Variants in AGFG1 observed in about 807,000 individuals in gnomAD.
AGFG1 encodes ArfGAP with FG repeats 1.
AGFG1 carries 10 observed loss-of-function variants against 60.6 expected under a neutral mutation model. The ratio of observed to expected loss-of-function variants is 0.16; its 90% confidence interval spans 0.10 to 0.28. The LOEUF (loss-of-function observed/expected upper bound fraction) is 0.28, where lower values mean the gene tolerates loss of function less well. AGFG1 is among the 10% of genes least tolerant of loss of function. The probability of loss-of-function intolerance (pLI) is 1.00; values close to 1 mark genes in which losing one functional copy is unlikely to be tolerated. For synonymous variants in AGFG1, 247 were observed against 242.9 expected (o/e 1.02, Z -0.16); for missense variants, 537 against 676.5 (o/e 0.79, Z 2.29).
chr2:227,486,158 C>CTAT (rs2106162510), intron 1 of AGFG1, among the ~76,000 whole-genome samples: 1 of 152,276 alleles, frequency 6.6e-6, no homozygotes, highest in Admixed American at 6.5e-5. Flanking sequence ...CTCGCCTTGG[C>CTAT]TATTGTTGGC....
intron 2 of AGFG1, among the ~76,000 whole-genome samples, chr2:227,517,194 G>A (rs1012888532): frequency 2.6e-5 from 4 of 152,244 alleles, no homozygotes; most frequent in Non-Finnish European, 2.9e-5. Context: ...GTTCTCACTC[G>A]TTTTAACTGT....
At chr2:227,523,148 G>A (rs964297381) in intron 3 of AGFG1, among the ~76,000 whole-genome samples, 10 of 152,184 alleles carry the variant, frequency 6.6e-5, no homozygotes, top group African/African-American at 1.9e-4. Context: ...ATATATTTTA[G>A]TAGGTAGCAA....
chr2:227,553,641 T>C, intron 11 of AGFG1, 63 bp from the exon 12 acceptor site: 1 of 1,345,542 alleles, frequency 7.4e-7, no homozygotes, highest in Non-Finnish European at 1.1e-6. Flanking sequence ...ATTATGAGGC[T>C]TTATAAGCAT....
rs562119600 is a variant in AGFG1, at chr2:227,486,661, G to A, written c.168-4886G>A. Among the ~76,000 whole-genome samples, 6 of 152,196 alleles carry A rather than the reference G, an allele frequency of 3.9e-5. No individual in the cohort carries two copies. In the South Asian group the frequency reaches 1.2e-3, roughly 32 times the overall value. On this transcript the variant is annotated intron_variant, in intron 1 of 12. Transcript: ENST00000310078. ...TTTCAGAGAGAGAAATATTTATTCT[G>A]TTTTCTGTTGTTCTGAAAAGAAAGT...
intron 2 of AGFG1, among the ~76,000 whole-genome samples, chr2:227,501,782 T>C (rs1691165257): frequency 6.6e-6 from 1 of 152,154 alleles, no homozygotes; most frequent in African/African-American, 2.4e-5. Context: ...CGGAGTCTAC[T>C]TCTGAGGCAC....
chr2:227,477,682 T>C (rs560680082), intron 1 of AGFG1, among the ~76,000 whole-genome samples: 24 of 152,246 alleles, frequency 1.6e-4, no homozygotes, highest in Middle Eastern at 3.4e-3. Flanking sequence ...CTCACCTCAC[T>C]GCAACCTCCA....
At chr2:227,486,099 G>C (rs1352448668) in intron 1 of AGFG1, among the ~76,000 whole-genome samples, 1 of 151,986 alleles carries the variant, frequency 6.6e-6, no homozygotes, top group African/African-American at 2.4e-5. Context: ...TTCCCATCCA[G>C]GGTCTTAGGT....
rs1294530578 is a variant in AGFG1, at chr2:227,536,677, T to A, written c.1258T>A (p.Ser420Thr). The change falls in exon 9 of 13, where the codon TCA becomes ACA. Residue 420 changes from serine to threonine, a missense_variant. By Grantham distance (58) the Ser-to-Thr change is moderately conservative. Transcript: ENST00000310078. ...VVASAQTQPA[S>T]SSVPAPFGAT... ...TGCTTCTGCACAGACACAGCCTGCTTCATCAAGTGTGCCTGCTCCATTTGG... is the reference window on the plus strand; with the variant it reads ...TGCTTCTGCACAGACACAGCCTGCTACATCAAGTGTGCCTGCTCCATTTGG... 1.2e-6 allele frequency: 2 copies of A among 1,613,810 alleles called. No homozygotes were observed. The highest frequency in any genetic ancestry group is 1.7e-6 in the Non-Finnish European group (2 of 1,179,872).
chr2:227,489,900 C>CT (rs1420865905), intron 1 of AGFG1, among the ~76,000 whole-genome samples: 1 of 151,916 alleles, frequency 6.6e-6, no homozygotes, highest in Non-Finnish European at 1.5e-5. Flanking sequence ...ACTGCAACCT[C>CT]TGCCTCCTGG....
At chr2:227,509,102 GA>G (rs1655917802) in intron 2 of AGFG1, among the ~76,000 whole-genome samples, 1 of 152,128 alleles carries the variant, frequency 6.6e-6, no homozygotes, top group Non-Finnish European at 1.5e-5. Context: ...TCCCAAGGGG[GA>G]CAAACAGTGA....
At chr2:227,545,658 CT>C (rs915240650) in intron 10 of AGFG1, among the ~76,000 whole-genome samples, 10 of 151,878 alleles carry the variant, frequency 6.6e-5, no homozygotes, top group Non-Finnish European at 5.9e-5. Flanking sequence ...TGTGGGTGTC[CT>C]TTTTTTTGAT....
In AGFG1 at chr2:227,560,200, T is replaced by G. The variant is rs1693095052; in HGVS notation, c.*5705T>G. ...AGCTCTAACATTAATGTCTCCAGGATTCCATTATATGGATGTCCCTTTGGG... is the reference window on the plus strand; with the variant it reads ...AGCTCTAACATTAATGTCTCCAGGAGTCCATTATATGGATGTCCCTTTGGG... On this transcript the variant is annotated 3_prime_UTR_variant, in exon 13 of 13. Transcript: ENST00000310078. The G allele has an allele frequency of 6.6e-6, 1 of 152,178 alleles. No homozygotes were observed. The allele number at this position is 152,178 out of a possible 1,614,324, so 9.4% of individuals were successfully genotyped here. A position where few individuals can be genotyped will look rare whatever the true frequency, so the allele number is the denominator to read the frequency against.
intron 11 of AGFG1, among the ~76,000 whole-genome samples, chr2:227,553,000 C>CAAA (rs5839220): frequency 0.044 from 4,089 of 91,962 alleles, 174 homozygotes; most frequent in African/African-American, 0.075. Flanking sequence ...AATTCCATCT[C>CAAA]AAAAAAAAAA....
intron 2 of AGFG1, among the ~76,000 whole-genome samples, chr2:227,513,473 T>C (rs1454192850): frequency 1.3e-5 from 2 of 152,218 alleles, no homozygotes; most frequent in Non-Finnish European, 2.9e-5. Context: ...GGGATTTCTG[T>C]AGCCTGGCCG....
At position 227,491,676 on chromosome 2, in the gene AGFG1, T is replaced by C. The variant is rs758752196; in HGVS notation, c.261+36T>C. ...TTTTTTTTTTTTTGCAATTTTTGAC[T>C]TTTTTGTTGGCAGTCATTTTAATGA... On this transcript the variant is annotated intron_variant, in intron 2 of 12. Transcript: ENST00000310078. 6.0e-6 allele frequency: 8 copies of C among 1,337,900 alleles called. No homozygotes were observed. In the South Asian group the frequency reaches 1.2e-4, roughly 20 times the overall value. 82.9% of individuals were successfully genotyped at this position (1,337,900 alleles called of 1,614,324 possible).
intron 1 of AGFG1, among the ~76,000 whole-genome samples, chr2:227,490,173 C>A (rs554971872): frequency 6.6e-6 from 1 of 151,968 alleles, no homozygotes; most frequent in Admixed American, 6.6e-5. Context: ...TCAAAATGTT[C>A]CCAAAATATT....
intron 10 of AGFG1, among the ~76,000 whole-genome samples, chr2:227,540,197 G>GTTTT (rs56275707): frequency 6.9e-6 from 1 of 145,470 alleles, no homozygotes; most frequent in African/African-American, 2.5e-5. Flanking sequence ...TGGGGCTTTA[G>GTTTT]TTTTTTTTTT....
At chr2:227,492,598 G>C (rs1241264093) in intron 2 of AGFG1, among the ~76,000 whole-genome samples, 2 of 151,982 alleles carry the variant, frequency 1.3e-5, no homozygotes, top group African/African-American at 4.8e-5. Flanking sequence ...AAAATTGTTT[G>C]CCTACTTGTG....
At chr2:227,543,945 CTT>C (rs1692567262) in intron 10 of AGFG1, among the ~76,000 whole-genome samples, 2 of 152,068 alleles carry the variant, frequency 1.3e-5, no homozygotes, top group Non-Finnish European at 1.5e-5. Context: ...TTCTTTGTCT[CTT>C]TTGATCTTTG....
Sources: gnomAD v4.1 joint callset for allele counts (sites outside exome capture counted in the v4.1 genomes callset) on GRCh38, gnomAD v4.1.1 for gene constraint, MANE v1.5 for transcripts, NCBI Gene and HGNC (gene_info 2026-07-23, HGNC 2026-07-21) for gene names.